NIM1K: variants seen among roughly 807,000 people sequenced by gnomAD.
NIM1K encodes the protein serine/threonine-protein kinase NIM1.
Under a neutral mutation model 37.1 loss-of-function variants are expected in NIM1K, and 35 were observed. That is an observed-to-expected ratio of 0.94 (90% confidence interval 0.72 to 1.25). The LOEUF (loss-of-function observed/expected upper bound fraction) is 1.25. NIM1K is among the 50% of genes most tolerant of loss of function. The pLI is 0.00. For missense variants in NIM1K, 564 were observed against 548.0 expected, an observed-to-expected ratio of 1.03 and a Z score of -0.29; for synonymous variants, 234 against 206.6, an observed-to-expected ratio of 1.13 and a Z score of -1.14.
intron 1 of NIM1K, among the ~76,000 whole-genome samples, chr5:43,198,433 CTTCCTTCTTTCT>C (rs1031756635): frequency 6.8e-6 from 1 of 147,588 alleles, no homozygotes; most frequent in African/African-American, 2.5e-5. Flanking sequence ...ACTTTCCTTC[CTTCCTTCTTTCT>C]TTCCTTCTTT....
In NIM1K at chr5:43,268,516, G is replaced by A. The variant is rs374325554; in HGVS notation, c.293-8541G>A. 8.1e-4 allele frequency among the ~76,000 whole-genome samples: 123 copies of A among 152,242 alleles called. 3 individuals carry two copies. In the South Asian group the frequency reaches 0.024, roughly 29 times the overall value. ...GTGGGGCCACAGGAGTGGTTGGTGG[G>A]TCCATATGGGTCCAAGTGAAGCCAT... On this transcript the variant is annotated intron_variant, in intron 2 of 3. Transcript: ENST00000326035.
intron 1 of NIM1K, among the ~76,000 whole-genome samples, chr5:43,210,688 G>A (rs1361584665): frequency 1.3e-5 from 2 of 152,136 alleles, no homozygotes; most frequent in Non-Finnish European, 2.9e-5. Context: ...GATTGTAGGC[G>A]AGCCAAGGGG....
intron 2 of NIM1K, among the ~76,000 whole-genome samples, chr5:43,267,755 G>A (rs2112294522): frequency 6.6e-6 from 1 of 152,246 alleles, no homozygotes; most frequent in South Asian, 2.1e-4. Flanking sequence ...TATTTGTATA[G>A]TTTTGAGAAT....
chr5:43,233,040 T>A, intron 1 of NIM1K: 1 of 1,282,456 alleles, frequency 7.8e-7, no homozygotes, highest in Non-Finnish European at 1.1e-6. Flanking sequence ...AGGAGTCATC[T>A]CCTCCCCGAG....
intron 1 of NIM1K, chr5:43,231,855 T>A: frequency 8.1e-7 from 1 of 1,228,720 alleles, no homozygotes; most frequent in South Asian, 1.2e-5. Context: ...TTCAACAGAA[T>A]CCACACCAAC....
In NIM1K at chr5:43,261,797, G is replaced by A. The variant is rs574922579; in HGVS notation, c.293-15260G>A. ...GAATTAATTTTTGTATAAGGTGTAA[G>A]GAAGGGATCCAGTTTCCACTTTCTA... On this transcript the variant is annotated intron_variant, in intron 2 of 3. Coordinates refer to ENST00000326035, the MANE Select transcript of NIM1K (RefSeq NM_153361.4). Among the ~76,000 whole-genome samples, 41 of 152,288 alleles carry A rather than the reference G, an allele frequency of 2.7e-4. No individual in the cohort carries two copies. In the Middle Eastern group the frequency reaches 0.01, roughly 38 times the overall value.
At chr5:43,207,031 G>A (rs1752123951) in intron 1 of NIM1K, 1 of 738,074 alleles carries the variant, frequency 1.4e-6, no homozygotes, top group African/African-American at 1.7e-5. Flanking sequence ...TACCACCTAA[G>A]TTCGAGGAGG....
chr5:43,255,755 AAAG>A (rs1262738207), intron 2 of NIM1K, among the ~76,000 whole-genome samples: 2 of 5,032 alleles, frequency 4.0e-4, no homozygotes, highest in African/African-American at 4.5e-4. Context: ...CTCAAAAAAA[AAAG>A]AAAGAAAGAA....
chr5:43,210,394 T>C (rs1424142802), intron 1 of NIM1K, among the ~76,000 whole-genome samples: 1 of 152,152 alleles, frequency 6.6e-6, no homozygotes, highest in East Asian at 1.9e-4. Flanking sequence ...ATTGAGTATC[T>C]ATGAGGTGCC....
chr5:43,242,420 C>T (rs1028103378), intron 1 of NIM1K, among the ~76,000 whole-genome samples: 1 of 151,214 alleles, frequency 6.6e-6, no homozygotes. Flanking sequence ...AGGCCTGGTG[C>T]CTGTGGGGAG....
At chr5:43,251,712 G>T (rs1280052128) in intron 2 of NIM1K, among the ~76,000 whole-genome samples, 1 of 151,964 alleles carries the variant, frequency 6.6e-6, no homozygotes, top group Non-Finnish European at 1.5e-5. Flanking sequence ...ACCTCTTTCT[G>T]CAAAAAGGTT....
rs1368419224 is a variant in NIM1K, at chr5:43,199,189, C to CAAAAAA, written c.-695+6789_-695+6794dup. Reference sequence around the variant, plus strand: ...GGCAACAAGAGTGAAGCTCTGTCTCCAAAAAAAAAAAAAAAATATATATAT... The same window carrying CAAAAAA: ...GGCAACAAGAGTGAAGCTCTGTCTCCAAAAAAAAAAAAAAAAAAAAAATATATATAT... On this transcript the variant is annotated intron_variant, in intron 1 of 3. Transcript: ENST00000326035. Among the ~76,000 whole-genome samples the CAAAAAA allele has an allele frequency of 1.1e-3, 11 of 9,814 alleles. 1 individual carries two copies. Among genetic ancestry groups the CAAAAAA allele is most frequent in the Non-Finnish European group, 1.0e-3 (6 of 5,972 alleles). 6.4% of individuals were successfully genotyped at this position (9,814 alleles called of 152,430 possible).
At chr5:43,208,971 G>A (rs1752166362) in intron 1 of NIM1K, among the ~76,000 whole-genome samples, 1 of 152,174 alleles carries the variant, frequency 6.6e-6, no homozygotes, top group Non-Finnish European at 1.5e-5. Context: ...CCATGGGTGT[G>A]TACATTTCCA....
intron 2 of NIM1K, among the ~76,000 whole-genome samples, chr5:43,257,112 T>C (rs1229933278): frequency 6.6e-6 from 1 of 151,828 alleles, no homozygotes; most frequent in Non-Finnish European, 1.5e-5. Flanking sequence ...AAAAGGAGGC[T>C]AGGGAGATGA....
rs201872225 is a variant in NIM1K at position 43,224,444 on chromosome 5, G to GAA, written c.-694-20625_-694-20624dup. ...CAACAAGAGCAAAAAACTCGTCTCA[G>GAA]AAAAAAAAAAAAAAGATTTGTTTTA... On this transcript the variant is annotated intron_variant, in intron 1 of 3. Coordinates refer to ENST00000326035, the MANE Select transcript of NIM1K (RefSeq NM_153361.4). Among the ~76,000 whole-genome samples the GAA allele has an allele frequency of 3.1e-3, 398 of 129,140 alleles. 4 individuals carry two copies. The highest frequency in any genetic ancestry group is 0.011 in the African/African-American group (378 of 34,844). 84.7% of individuals were successfully genotyped at this position (129,140 alleles called of 152,430 possible).
intron 1 of NIM1K, among the ~76,000 whole-genome samples, chr5:43,196,590 G>A (rs1220644147): frequency 2.0e-5 from 3 of 151,958 alleles, no homozygotes; most frequent in Non-Finnish European, 4.4e-5. Flanking sequence ...AGCCGAGATC[G>A]CGCCACTGCA....
intron 1 of NIM1K, among the ~76,000 whole-genome samples, chr5:43,196,455 T>C (rs6875177): frequency 1 from 150,357 of 150,520 alleles, 75,097 homozygotes; most frequent in Middle Eastern, 1. Flanking sequence ...AGTGAAACCC[T>C]GTCTCTACTA....
intron 2 of NIM1K, among the ~76,000 whole-genome samples, chr5:43,275,136 A>G (rs1052401024): frequency 6.6e-6 from 1 of 152,236 alleles, no homozygotes; most frequent in African/African-American, 2.4e-5. Flanking sequence ...TGATCTGCCA[A>G]TTAGAAAATC....
intron 1 of NIM1K, chr5:43,207,851 T>C (rs1367203862): frequency 2.9e-6 from 1 of 342,424 alleles, no homozygotes. Context: ...CAAATAGCCT[T>C]CCTGACCTCC....
Sources: allele counts gnomAD v4.1 joint callset (sites outside exome capture counted in the v4.1 genomes callset), GRCh38; gene constraint gnomAD v4.1.1; transcripts MANE v1.5; gene names NCBI Gene and HGNC (gene_info 2026-07-23, HGNC 2026-07-21).